ROBO3: variants seen among roughly 807,000 people sequenced by gnomAD.
ROBO3 encodes the protein roundabout homolog 3.
In ROBO3, 97 loss-of-function variants were observed where a neutral mutation model predicts 160.5. The ratio of observed to expected loss-of-function variants is 0.60; its 90% CI spans 0.51 to 0.72. The LOEUF (loss-of-function observed/expected upper bound fraction) is 0.72, where lower values mean the gene tolerates loss of function less well. Ranked by LOEUF, ROBO3 falls within the 30% of genes least tolerant of loss-of-function variation. ROBO3 has a pLI of 0.00. For missense variants in ROBO3, 1,858 were observed against 1,846.5 expected, an observed-to-expected ratio of 1.01 and a Z score of -0.11; for synonymous variants, 780 against 746.2, an observed-to-expected ratio of 1.05 and a Z score of -0.74.
chr11:124,879,565 C>G lies in ROBO3; in HGVS notation c.3786C>G (p.Asn1262Lys), dbSNP rs753525403. Residue 1262 changes from asparagine to lysine, a missense_variant, in exon 25 of 28, where the codon AAC becomes AAG. Asn to Lys is a moderately conservative substitution (Grantham distance 94, BLOSUM62 0). Transcript: ENST00000397801. ...AGGCTCTTCCCTACAGGAGGGAGAA[C>G]AGTCCTGGGGGTGAGGGGGGATGCA... Reference protein sequence around the residue: ...KPKALPYRRENSPGDLPPPPL... With the variant: ...KPKALPYRREKSPGDLPPPPL... 1.2e-6 allele frequency: 2 copies of G among 1,612,904 alleles called. No homozygotes were observed. The highest frequency in any genetic ancestry group is 1.7e-6 in the Non-Finnish European group (2 of 1,179,254).
chr11:124,870,913 T>C (rs1302437625), intron 6 of ROBO3, 101 bp from the exon 7 acceptor site: 6 of 1,533,674 alleles, frequency 3.9e-6, no homozygotes, highest in Non-Finnish European at 5.3e-6. Context: ...TATCTGCTCC[T>C]GTACACTTGA....
rs147605571 is a variant in ROBO3 at position 124,881,231 on chromosome 11, C to T, written c.4150-8C>T. On this transcript the variant is annotated splice_polypyrimidine_tract_variant and splice_region_variant and intron_variant, in intron 27 of 27. Transcript: ENST00000397801. ...TTTACAAAACAGCATCTCTCTCTCTCTCCCTAGGAACCAAGATGACCCTTG... is the reference window on the plus strand; with the variant it reads ...TTTACAAAACAGCATCTCTCTCTCTTTCCCTAGGAACCAAGATGACCCTTG... 45,061 of 1,604,962 alleles carry T rather than the reference C, an allele frequency of 0.028. 747 individuals are homozygous for T. The highest frequency in any genetic ancestry group is 0.034 in the Non-Finnish European group (40,047 of 1,175,298).
intron 14 of ROBO3, 89 bp downstream of exon 14, chr11:124,875,425 G>C: frequency 6.3e-7 from 1 of 1,578,552 alleles, no homozygotes; most frequent in African/African-American, 1.4e-5. Flanking sequence ...TGCAGGAGGA[G>C]AGCAGGGTGA....
chr11:124,879,183 A>G lies in ROBO3; in HGVS notation c.3534-7A>G, dbSNP rs1457547459. On this transcript the variant is annotated splice_region_variant and splice_polypyrimidine_tract_variant and intron_variant, in intron 23 of 27. Coordinates refer to ENST00000397801, the MANE Select transcript of ROBO3 (RefSeq NM_022370.4). ...GGAACAGAGGCTGCGGCCTCCTGTC[A>G]TTGCAGGAGGGTGCCCCTTGGGCCG... The G allele has an allele frequency of 1.9e-6, 3 of 1,550,236 alleles. No individual in the cohort carries two copies. In the Admixed American group the frequency reaches 5.9e-5, roughly 30 times the overall value.
In ROBO3 at chr11:124,878,520, A is replaced by G; in HGVS notation, c.3321-64A>G. ...GGAGGAAGGGGAGGGGGCAGCAGGA[A>G]GGCCAACGGGAAGGTATGGAAGCAG... On this transcript the variant is annotated intron_variant, in intron 22 of 27. Transcript: ENST00000397801. This position sits in a 1 kb window ranked among gnomAD's most constrained non-coding sequence, Gnocchi z 4.3. 1 of 1,600,708 alleles carries G rather than the reference A, an allele frequency of 6.2e-7. No homozygotes were observed. The highest frequency in any genetic ancestry group is 8.5e-7 in the Non-Finnish European group (1 of 1,171,524).
rs745483542 is a variant in ROBO3, at chr11:124,874,886, C to T, written c.2050C>T (p.Arg684Trp). The change falls in exon 13 of 28, where the codon CGG becomes TGG. Residue 684 changes from arginine (R) to tryptophan (W), a missense_variant. Arg to Trp is a moderately radical substitution (Grantham distance 101). Transcript: ENST00000397801. ...GCAGGAGCCCATAGTCCTGGGACCC[C>T]GGACCCTGCAGGTGTCCTGGACTGT... The part of the protein sequence containing the change: ...RLQEPIVLGP[R>W]TLQVSWTVDG... 5 of 1,602,814 alleles carry T rather than the reference C, an allele frequency of 3.1e-6. No individual in the cohort carries two copies. Among genetic ancestry groups the T allele is most frequent in the Admixed American group, 1.7e-5 (1 of 58,088 alleles).
rs2135321261 is a variant in ROBO3 at position 124,865,827 on chromosome 11, C to T, written c.160+90C>T. ...AAGGGAAGGAGAAGCGCTCCTGTCC[C>T]GAGGTCCGGGATTGAGTGGCGCCTC... is the stretch of plus-strand genomic sequence containing the variant. On this transcript the variant is annotated intron_variant, in intron 1 of 27. Coordinates refer to ENST00000397801, the MANE Select transcript of ROBO3 (RefSeq NM_022370.4). This position sits in a 1 kb window ranked among gnomAD's most constrained non-coding sequence, Gnocchi z 5.5. 4 of 1,402,390 alleles carry T rather than the reference C, an allele frequency of 2.9e-6. No homozygotes were observed. The highest frequency in any genetic ancestry group is 2.8e-5 in the South Asian group (2 of 71,928). 86.9% of individuals were successfully genotyped at this position (1,402,390 alleles called of 1,614,324 possible).
chr11:124,880,632 A>C (rs1284312257), intron 27 of ROBO3, 24 bp downstream of exon 27: 1 of 1,512,338 alleles, frequency 6.6e-7, no homozygotes, highest in Admixed American at 2.1e-5. Flanking sequence ...ATTGCAGAAA[A>C]ATGAGGGCAG....
intron 1 of ROBO3, among the ~76,000 whole-genome samples, chr11:124,868,039 C>T (rs923632317): frequency 6.6e-6 from 1 of 152,136 alleles, no homozygotes; most frequent in African/African-American, 2.4e-5. Context: ...ATGAACTGAT[C>T]GGAGTGAACA....
chr11:124,877,218 C>T, intron 18 of ROBO3, 34 bp downstream of exon 18: 1 of 1,613,990 alleles, frequency 6.2e-7, no homozygotes, highest in Non-Finnish European at 8.5e-7. Context: ...GGTTCAGACC[C>T]CCCGGGACGG....
In ROBO3 at chr11:124,881,452, A is replaced by T; in HGVS notation, c.*202A>T. ...TGTTTATAAAAAACAAAACAATAAA[A>T]AGAGTCTGATCAGAGCCCAGGGCCC... On this transcript the variant is annotated 3_prime_UTR_variant, in exon 28 of 28. Transcript: ENST00000397801. 1 of 586,466 alleles carries T rather than the reference A, an allele frequency of 1.7e-6. No individual in the cohort carries two copies. Among genetic ancestry groups the T allele is most frequent in the East Asian group, 2.9e-5 (1 of 34,904 alleles). 36.3% of individuals were successfully genotyped at this position (586,466 alleles called of 1,614,324 possible). A position where few individuals can be genotyped will look rare whatever the true frequency, so the allele number is the denominator to read the frequency against.
chr11:124,867,679 G>A (rs940291138), intron 1 of ROBO3, among the ~76,000 whole-genome samples: 1 of 151,520 alleles, frequency 6.6e-6, no homozygotes, highest in Non-Finnish European at 1.5e-5. Context: ...GTCCAGCTTT[G>A]TCTACAACAG....
intron 23 of ROBO3, 74 bp from the exon 24 acceptor site, chr11:124,879,116 G>T: frequency 6.8e-7 from 1 of 1,477,502 alleles, no homozygotes. Context: ...TGATTGTCTA[G>T]CACAGTGCCA....
Position 124,870,679 on chromosome 11 carries a change from G to A in ROBO3, c.984G>A (p.Ala328=), listed in dbSNP as rs140257173. The A allele has an allele frequency of 9.7e-5, 157 of 1,612,910 alleles. No individual in the cohort carries two copies. Among genetic ancestry groups the A allele is most frequent in the Middle Eastern group, 1.6e-4 (1 of 6,062 alleles). Residue 328 remains alanine, a synonymous_variant, in exon 6 of 28, where the codon GCG becomes GCA. Transcript: ENST00000397801. The stretch of plus-strand genomic sequence containing the variant: ...ATGAGGGAACGTACACCTGTGTGGC[G>A]GAGAACAGTGTGGGCCGCGCTGAAG... ...AEDEGTYTCV[A]ENSVGRAEAS... is the part of the protein sequence containing the mutation.
intron 26 of ROBO3, 30 bp from the exon 27 acceptor site, chr11:124,880,388 A>G: frequency 6.2e-7 from 1 of 1,611,010 alleles, no homozygotes; most frequent in Non-Finnish European, 8.5e-7. Flanking sequence ...TCCTGCCTGC[A>G]CCTGGCTACC....
intron 1 of ROBO3, among the ~76,000 whole-genome samples, chr11:124,866,438 C>A (rs570134564): frequency 6.6e-6 from 1 of 152,174 alleles, no homozygotes; most frequent in Non-Finnish European, 1.5e-5. Context: ...CGCCAGCCTG[C>A]GGAGAGGCCG....
Position 124,872,464 on chromosome 11 carries a change from G to T in ROBO3, c.1242G>T (p.Val414=). ...SPRGQLNITA[V]QRGDAGYYVC... ...GAGGCCAACTTAACATCACCGCGGT[G>T]CAGCGTGGGGATGCTGGGTACTACG... The change falls in exon 8 of 28, where the codon GTG becomes GTT. Residue 414 remains valine (V), a synonymous_variant. Coordinates refer to ENST00000397801, the MANE Select transcript of ROBO3 (RefSeq NM_022370.4). The surrounding 1 kb of genome is among the most constrained non-coding windows in gnomAD (Gnocchi z 4.3). 6.2e-7 allele frequency: 1 copy of T among 1,613,976 alleles called. No homozygotes were observed. Among genetic ancestry groups the T allele is most frequent in the South Asian group, 1.1e-5 (1 of 91,090 alleles).
In ROBO3 at chr11:124,875,699, G is replaced by A. The variant is rs1415528052; in HGVS notation, c.2421+14G>A. ...ACGGAATACCAGGTAGAGGGATTGAGGAGGGACTGGATGGGAGGGCCAGGC... is the reference window on the plus strand; with the variant it reads ...ACGGAATACCAGGTAGAGGGATTGAAGAGGGACTGGATGGGAGGGCCAGGC... On this transcript the variant is annotated intron_variant, in intron 15 of 27. Transcript: ENST00000397801. 1.9e-6 allele frequency: 3 copies of A among 1,595,042 alleles called. No homozygotes were observed. The highest frequency in any genetic ancestry group is 1.4e-5 in the African/African-American group (1 of 74,044).
rs1234777232 is a variant in ROBO3 at position 124,865,727 on chromosome 11, C to T, written c.150C>T (p.Pro50=). 1 of 1,608,470 alleles carries T rather than the reference C, an allele frequency of 6.2e-7. No homozygotes were observed. The highest frequency in any genetic ancestry group is 1.7e-5 in the Admixed American group (1 of 59,510). Residue 50 remains proline, a synonymous_variant, in exon 1 of 28, where the codon CCC becomes CCT. Coordinates refer to ENST00000397801, the MANE Select transcript of ROBO3 (RefSeq NM_022370.4). The surrounding 1 kb of genome is among the most constrained non-coding windows in gnomAD (Gnocchi z 5.5). The stretch of plus-strand genomic sequence containing the variant: ...ACACCCTGCTGCCTCCCGGCGATCC[C>T]TCTCTCAACGGTGAGACCCTGCCTC... ...LNHTLLPPGD[P]SLNGSRVGPE... is the part of the protein sequence containing the mutation.
Sources: allele counts gnomAD v4.1 joint callset (sites outside exome capture counted in the v4.1 genomes callset), GRCh38; gene constraint gnomAD v4.1.1; non-coding constraint Gnocchi (gnomAD v3.1); transcripts MANE v1.5; gene names NCBI Gene and HGNC (gene_info 2026-07-23, HGNC 2026-07-21).